KCNAB1: variants seen among roughly 807,000 people sequenced by gnomAD.
KCNAB1 encodes voltage-gated potassium channel subunit beta-1.
Under a neutral mutation model 64.6 loss-of-function variants are expected in KCNAB1, and 35 were observed. That is an observed-to-expected ratio of 0.54 (90% CI 0.41 to 0.72). The LOEUF (loss-of-function observed/expected upper bound fraction) is 0.72, where lower values mean the gene tolerates loss of function less well. Among genes scored for constraint, KCNAB1 ranks in the 30% least tolerant of loss-of-function variants. KCNAB1 has a pLI of 0.00. For missense variants in KCNAB1, 401 were observed against 512.9 expected, an observed-to-expected ratio of 0.78 and a Z score of 2.11; for synonymous variants, 177 against 183.8, an observed-to-expected ratio of 0.96 and a Z score of 0.30.
At chr3:156,339,721 G>A (rs1723973359) in intron 1 of KCNAB1, among the ~76,000 whole-genome samples, 1 of 152,192 alleles carries the variant, frequency 6.6e-6, no homozygotes, top group Admixed American at 6.5e-5. Context: ...TGGGCTGAAT[G>A]GGTACATCCT....
chr3:156,258,602 C>T lies in KCNAB1; in HGVS notation c.275+137716C>T, dbSNP rs368815427. 2.5e-3 allele frequency among the ~76,000 whole-genome samples: 384 copies of T among 152,336 alleles called. 5 individuals are homozygous for T. In the South Asian group the frequency reaches 0.027, roughly 11 times the overall value. On this transcript the variant is annotated intron_variant, in intron 1 of 13. Transcript: ENST00000490337. Reference sequence around the variant, plus strand: ...ACAACACTCCCAAATGTCCTCCCTCCTCCACATGACAGCCTTTTGAATTTT... The same window carrying T: ...ACAACACTCCCAAATGTCCTCCCTCTTCCACATGACAGCCTTTTGAATTTT...
intron 1 of KCNAB1, among the ~76,000 whole-genome samples, chr3:156,292,657 T>C (rs1177408477): frequency 6.6e-6 from 1 of 152,174 alleles, no homozygotes; most frequent in Non-Finnish European, 1.5e-5. Flanking sequence ...TTCTCCTGCC[T>C]TAACCTCCTG....
intron 12 of KCNAB1, among the ~76,000 whole-genome samples, chr3:156,531,002 A>T (rs2280032): frequency 1.3e-5 from 2 of 151,924 alleles, no homozygotes; most frequent in African/African-American, 2.4e-5. Context: ...GAAAGCAAAA[A>T]GGCCTTAAGC....
intron 7 of KCNAB1, among the ~76,000 whole-genome samples, chr3:156,471,929 A>C (rs1713931033): frequency 6.6e-6 from 1 of 152,202 alleles, no homozygotes; most frequent in Non-Finnish European, 1.5e-5. Flanking sequence ...CAGATGAGGA[A>C]ACTGAGGCTC....
At chr3:156,227,315 C>T (rs991916704) in intron 1 of KCNAB1, among the ~76,000 whole-genome samples, 2 of 151,996 alleles carry the variant, frequency 1.3e-5, no homozygotes, top group African/African-American at 4.8e-5. Context: ...ATTTAAAAAG[C>T]AAAGACAAAG....
chr3:156,276,731 T>C (rs142118453), intron 1 of KCNAB1, among the ~76,000 whole-genome samples: 112 of 152,302 alleles, frequency 7.4e-4, no homozygotes, highest in African/African-American at 2.6e-3. Context: ...CCACCTCTCT[T>C]AGCCTTTTGA....
At chr3:156,440,850 C>T (rs1229231913) in intron 2 of KCNAB1, among the ~76,000 whole-genome samples, 1 of 152,032 alleles carries the variant, frequency 6.6e-6, no homozygotes, top group African/African-American at 2.4e-5. Context: ...TACAGGGAAA[C>T]ATGAAAACTG....
chr3:156,159,202 T>C (rs1715929547), intron 1 of KCNAB1, among the ~76,000 whole-genome samples: 1 of 152,188 alleles, frequency 6.6e-6, no homozygotes, highest in African/African-American at 2.4e-5. Context: ...CTATGCTACC[T>C]AGTTGTGTGT....
chr3:156,287,859 A>G (rs1426953764), intron 1 of KCNAB1, among the ~76,000 whole-genome samples: 1 of 152,138 alleles, frequency 6.6e-6, no homozygotes, highest in Non-Finnish European at 1.5e-5. Flanking sequence ...TGGAATAATA[A>G]TGATAGTTAT....
chr3:156,318,737 C>T (rs182038447), intron 1 of KCNAB1, among the ~76,000 whole-genome samples: 51 of 152,136 alleles, frequency 3.4e-4, no homozygotes, highest in Non-Finnish European at 5.0e-4. Flanking sequence ...TTTTGTTTTG[C>T]ATGGCTTAAT....
chr3:156,290,831 A>C (rs1452371199), intron 1 of KCNAB1, among the ~76,000 whole-genome samples: 1 of 152,254 alleles, frequency 6.6e-6, no homozygotes, highest in Middle Eastern at 3.2e-3. Context: ...GTAAGTTAGC[A>C]GAGTTGATTC....
At chr3:156,379,608 C>G (rs1222047219) in intron 1 of KCNAB1, among the ~76,000 whole-genome samples, 2 of 152,036 alleles carry the variant, frequency 1.3e-5, no homozygotes, top group East Asian at 3.8e-4. Flanking sequence ...AGCAAGGGGG[C>G]CCCTGTGGAA....
At chr3:156,204,143 T>G (rs1169864811) in intron 1 of KCNAB1, among the ~76,000 whole-genome samples, 1 of 152,214 alleles carries the variant, frequency 6.6e-6, no homozygotes, top group African/African-American at 2.4e-5. Flanking sequence ...GCTGAAAGCT[T>G]CACTTGTCCA....
chr3:156,327,528 G>T (rs748493855), intron 1 of KCNAB1, among the ~76,000 whole-genome samples: 2 of 152,094 alleles, frequency 1.3e-5, no homozygotes, highest in Non-Finnish European at 2.9e-5. Context: ...TGTGTGTCAC[G>T]TATTGTGTTA....
intron 1 of KCNAB1, among the ~76,000 whole-genome samples, chr3:156,213,492 G>A (rs895542281): frequency 1.3e-5 from 2 of 152,174 alleles, no homozygotes; most frequent in African/African-American, 4.8e-5. Flanking sequence ...CAGATTACAG[G>A]AATGAGCCAC....
At chr3:156,316,783 C>T (rs1722305955) in intron 1 of KCNAB1, among the ~76,000 whole-genome samples, 1 of 152,120 alleles carries the variant, frequency 6.6e-6, no homozygotes, top group African/African-American at 2.4e-5. Context: ...GAAGAAATAC[C>T]AGACTTTACT....
chr3:156,226,473 CA>C (rs1436050533), intron 1 of KCNAB1, among the ~76,000 whole-genome samples: 1 of 151,986 alleles, frequency 6.6e-6, no homozygotes, highest in African/African-American at 2.4e-5. Context: ...AAGATAACAT[CA>C]AAAAACCCTT....
At chr3:156,481,746 A>C (rs1336555292) in intron 8 of KCNAB1, among the ~76,000 whole-genome samples, 1 of 152,146 alleles carries the variant, frequency 6.6e-6, no homozygotes, top group African/African-American at 2.4e-5. Context: ...CACAACTTCA[A>C]ATTCTGGCTT....
intron 1 of KCNAB1, among the ~76,000 whole-genome samples, chr3:156,313,642 T>G (rs1722075830): frequency 6.6e-6 from 1 of 152,146 alleles, no homozygotes; most frequent in African/African-American, 2.4e-5. Context: ...TCCTAAAACC[T>G]CCGGGAGGAA....
Sources: gnomAD v4.1 joint callset for allele counts (sites outside exome capture counted in the v4.1 genomes callset) on GRCh38, gnomAD v4.1.1 for gene constraint, MANE v1.5 for transcripts, NCBI Gene and HGNC (gene_info 2026-07-23, HGNC 2026-07-21) for gene names.